HERC3: variants seen among roughly 807,000 people sequenced by gnomAD.
HERC3 encodes probable E3 ubiquitin-protein ligase HERC3.
A neutral mutation model predicts 129.9 loss-of-function variants in HERC3; 58 were observed. That is an observed-to-expected ratio of 0.45 (90% CI 0.36 to 0.56). The LOEUF (loss-of-function observed/expected upper bound fraction) is 0.56. Ranked by LOEUF, HERC3 falls within the 20% of genes least tolerant of loss-of-function variation. HERC3 has a pLI of 0.00. For synonymous variants in HERC3, 430 were observed against 451.0 expected, an observed-to-expected ratio of 0.95 and a Z score of 0.59; for missense variants, 835 against 1,244.2, an observed-to-expected ratio of 0.67 and a Z score of 4.95.
intron 3 of HERC3, among the ~76,000 whole-genome samples, chr4:88,645,729 T>C (rs1251640174): frequency 6.6e-6 from 1 of 152,174 alleles, no homozygotes; most frequent in Non-Finnish European, 1.5e-5. Context: ...TTTCATCACA[T>C]GACTCAGAAT....
chr4:88,620,547 C>G (rs1725401692), intron 3 of HERC3, among the ~76,000 whole-genome samples: 1 of 152,150 alleles, frequency 6.6e-6, no homozygotes. Flanking sequence ...TTCAGGATCT[C>G]ATACCTCTTC....
intron 3 of HERC3, among the ~76,000 whole-genome samples, chr4:88,642,596 G>A (rs1014053636): frequency 7.2e-5 from 11 of 152,178 alleles, no homozygotes; most frequent in Non-Finnish European, 1.0e-4. Context: ...GGTGTCTGCC[G>A]AGCACTGTCA....
the HERC3 span, among the ~76,000 whole-genome samples, chr4:88,578,581 TA>T: frequency 0.085 from 9,646 of 113,922 alleles, 736 homozygotes; most frequent in East Asian, 0.37. Flanking sequence ...AACTCCATCA[TA>T]AAAAAAAAAA....
At chr4:88,597,564 A>G (rs1578135712) in intron 2 of HERC3, among the ~76,000 whole-genome samples, 2 of 152,136 alleles carry the variant, frequency 1.3e-5, no homozygotes, top group South Asian at 2.1e-4. Flanking sequence ...CCAGCTGTCT[A>G]TGAGGGCCCT....
the HERC3 span, among the ~76,000 whole-genome samples, chr4:88,570,748 C>G: frequency 6.9e-6 from 1 of 144,036 alleles, no homozygotes; most frequent in Admixed American, 7.6e-5. Flanking sequence ...ATTATTATTC[C>G]TATTTTATTT....
intron 3 of HERC3, among the ~76,000 whole-genome samples, chr4:88,648,116 T>G (rs1232376533): frequency 2.0e-5 from 3 of 152,206 alleles, no homozygotes; most frequent in Non-Finnish European, 1.5e-5. Context: ...TTCCTGAAGT[T>G]ACTGACTTTA....
At chr4:88,657,075 A>C (rs1415640276) in intron 9 of HERC3, 1 of 152,180 alleles carries the variant, frequency 6.6e-6, no homozygotes, top group Non-Finnish European at 1.5e-5. Context: ...TTAATATTGA[A>C]TGACTGCTTC....
At chr4:88,701,168 G>T (rs905267168) in intron 23 of HERC3, among the ~76,000 whole-genome samples, 3 of 152,230 alleles carry the variant, frequency 2.0e-5, no homozygotes, top group African/African-American at 7.2e-5. Context: ...TTTCAGAGAA[G>T]TGAGGTGTTA....
At chr4:88,686,283 A>G (rs1424860365) in intron 21 of HERC3, among the ~76,000 whole-genome samples, 2 of 152,218 alleles carry the variant, frequency 1.3e-5, no homozygotes, top group South Asian at 2.1e-4. Flanking sequence ...CAAGTAAGCC[A>G]CTAAGATTCC....
At chr4:88,558,767 T>C in the HERC3 span, among the ~76,000 whole-genome samples, 11 of 150,884 alleles carry the variant, frequency 7.3e-5, no homozygotes, top group African/African-American at 2.4e-4. Context: ...ATCGAGACCA[T>C]CCTGGCTAAC....
chr4:88,670,710 G>GT (rs143011195), intron 16 of HERC3, among the ~76,000 whole-genome samples: 6,228 of 151,406 alleles, frequency 0.041, 162 homozygotes, highest in Middle Eastern at 0.12. Context: ...GTTATGTTAG[G>GT]TTTTTTTTTA....
the HERC3 span, among the ~76,000 whole-genome samples, chr4:88,530,333 T>C: frequency 6.6e-6 from 1 of 152,146 alleles, no homozygotes; most frequent in Non-Finnish European, 1.5e-5. Flanking sequence ...AAGATGTTTA[T>C]AATCTTAAGT....
the HERC3 span, among the ~76,000 whole-genome samples, chr4:88,536,163 G>C: frequency 6.6e-6 from 1 of 152,210 alleles, no homozygotes; most frequent in Non-Finnish European, 1.5e-5. Context: ...GCCCCAGACT[G>C]TCTCCAGCAT....
chr4:88,664,279 A>T, intron 12 of HERC3, 67 bp downstream of exon 12: 1 of 1,294,510 alleles, frequency 7.7e-7, no homozygotes, highest in Non-Finnish European at 1.1e-6. Context: ...TGGAAGGCTG[A>T]CACAGGAGGA....
chr4:88,531,635 A>C, the HERC3 span, among the ~76,000 whole-genome samples: 1 of 152,314 alleles, frequency 6.6e-6, no homozygotes, highest in South Asian at 2.1e-4. Flanking sequence ...TATTTGAAGA[A>C]GTTGGAAAAC....
chr4:88,693,490 A>T (rs1247143086), intron 23 of HERC3: 2 of 973,844 alleles, frequency 2.1e-6, no homozygotes, highest in African/African-American at 3.5e-5. Context: ...TAGTCTACAC[A>T]GTATTGATCT....
chr4:88,700,008 T>C (rs1735182558), intron 23 of HERC3, among the ~76,000 whole-genome samples: 1 of 152,046 alleles, frequency 6.6e-6, no homozygotes, highest in Non-Finnish European at 1.5e-5. Context: ...GTGAGCACTG[T>C]GCTGTTCTCT....
At chr4:88,689,885 G>A (rs1560768825) in intron 23 of HERC3, 1 of 598,030 alleles carries the variant, frequency 1.7e-6, no homozygotes, top group Non-Finnish European at 2.1e-6. Context: ...GCCCATCCTT[G>A]ACATTTTAAC....
In HERC3 at chr4:88,676,430, T is replaced by C; in HGVS notation, c.2025+7T>C. 6.3e-7 allele frequency: 1 copy of C among 1,579,390 alleles called. No individual in the cohort carries two copies. Among genetic ancestry groups the C allele is most frequent in the Non-Finnish European group, 8.7e-7 (1 of 1,149,736 alleles). On this transcript the variant is annotated splice_region_variant and intron_variant, in intron 18 of 25. Coordinates refer to ENST00000402738, the MANE Select transcript of HERC3 (RefSeq NM_014606.3). ...TGCTGAACTACAGATGCAGGTATCA[T>C]ATTTTAGAAATTATTTCTTCTTTTT...
Sources: allele counts gnomAD v4.1 joint callset (sites outside exome capture counted in the v4.1 genomes callset), GRCh38; gene constraint gnomAD v4.1.1; transcripts MANE v1.5; gene names NCBI Gene and HGNC (gene_info 2026-07-23, HGNC 2026-07-21).